FAM83G: variants seen among roughly 807,000 people sequenced by gnomAD.
The protein encoded by FAM83G is scaffolding CK1 anchoring protein G.
A neutral mutation model predicts 61.5 loss-of-function variants in FAM83G; 38 were observed. That is an observed-to-expected ratio of 0.62 (90% confidence interval 0.48 to 0.81). The LOEUF is 0.81. Ranked by LOEUF, FAM83G falls within the 30% of genes least tolerant of loss-of-function variation. The pLI is 0.00. For missense variants in FAM83G, 989 were observed against 1,133.6 expected, an observed-to-expected ratio of 0.87 and a Z score of 1.83; for synonymous variants, 470 against 476.1, an observed-to-expected ratio of 0.99 and a Z score of 0.17.
At position 19,004,193 on chromosome 17, in the gene FAM83G, C is replaced by T; in HGVS notation, c.-128-24G>A. ...ATCTGCGGGAAAGACCTGATGAGCC[C>T]GGCTCGGCGGGGAGGGCGGGCCGCG... On this transcript the variant is annotated intron_variant, in intron 1 of 5. Transcript: ENST00000388995. The surrounding 1 kb of genome is among the most constrained non-coding windows in gnomAD (Gnocchi z 5.4). The T allele has an allele frequency of 2.9e-6, 1 of 344,886 alleles. No individual in the cohort carries two copies. Among genetic ancestry groups the T allele is most frequent in the Non-Finnish European group, 4.6e-6 (1 of 218,446 alleles). The allele number at this position is 344,886 out of a possible 1,614,324, so 21.4% of individuals were successfully genotyped here.
At chr17:18,978,958 G>A in intron 4 of FAM83G, 108 bp from the exon 5 acceptor site, 2 of 1,262,396 alleles carry the variant, frequency 1.6e-6, no homozygotes, top group African/African-American at 1.5e-5. Context: ...CAGGGCCCTG[G>A]GATCAAGAAG....
intron 2 of FAM83G, among the ~76,000 whole-genome samples, chr17:18,997,960 G>A (rs2043610845): frequency 6.6e-6 from 1 of 152,238 alleles, no homozygotes. Flanking sequence ...TGAGGAGGAA[G>A]GAACAGAAGG....
intron 2 of FAM83G, among the ~76,000 whole-genome samples, chr17:18,988,820 C>G (rs2043335464): frequency 6.6e-6 from 1 of 152,244 alleles, no homozygotes; most frequent in African/African-American, 2.4e-5. Flanking sequence ...AAACCCAGAT[C>G]TCTTCCTGTC....
At chr17:18,977,232 T>C (rs1468625714) in intron 5 of FAM83G, 3 of 611,188 alleles carry the variant, frequency 4.9e-6, no homozygotes, top group Non-Finnish European at 8.5e-6. Flanking sequence ...TGAACGTCCC[T>C]GTGCCCCGCC....
intron 3 of FAM83G, among the ~76,000 whole-genome samples, chr17:18,984,170 ATC>A (rs2043207102): frequency 6.6e-6 from 1 of 151,712 alleles, no homozygotes; most frequent in Non-Finnish European, 1.5e-5. Context: ...GTGAAACCCC[ATC>A]TCTACTAAAA....
rs913718591 is a variant in FAM83G at position 18,977,518 on chromosome 17, C to T, written c.2082+66G>A. The T allele has an allele frequency of 6.1e-6, 9 of 1,482,942 alleles. No homozygotes were observed. In the East Asian group the frequency reaches 1.8e-4, roughly 30 times the overall value. The allele number at this position is 1,482,942 out of a possible 1,614,324, so 91.9% of individuals were successfully genotyped here. A position where few individuals can be genotyped will look rare whatever the true frequency, so the allele number is the denominator to read the frequency against. ...GACATGGTAGCCCAGAAGACAACAG[C>T]TCGAGCTCTTGGGTGGCTGGCAGGG... On this transcript the variant is annotated intron_variant, in intron 5 of 5. Coordinates refer to ENST00000388995, the MANE Select transcript of FAM83G (RefSeq NM_001039999.3).
Position 19,003,268 on chromosome 17 carries a change from C to T in FAM83G, c.522+252G>A, listed in dbSNP as rs77308581. ...CTGGGGAACCAGAAACACCCTCCAACAATAAAGAGGCCCTTTGAGACGGGG... is the reference window on the plus strand; with the variant it reads ...CTGGGGAACCAGAAACACCCTCCAATAATAAAGAGGCCCTTTGAGACGGGG... On this transcript the variant is annotated intron_variant, in intron 2 of 5. Coordinates refer to ENST00000388995, the MANE Select transcript of FAM83G (RefSeq NM_001039999.3). The surrounding 1 kb of genome is among the most constrained non-coding windows in gnomAD (Gnocchi z 4.5). Among the ~76,000 whole-genome samples the T allele has an allele frequency of 2.1e-4, 32 of 151,808 alleles. No individual in the cohort carries two copies. Among genetic ancestry groups the T allele is most frequent in the African/African-American group, 7.7e-4 (32 of 41,388 alleles).
intron 2 of FAM83G, among the ~76,000 whole-genome samples, chr17:18,992,646 G>A (rs768609259): frequency 2.6e-5 from 4 of 152,200 alleles, no homozygotes; most frequent in Non-Finnish European, 5.9e-5. Context: ...GTCCAGCACC[G>A]GCGCCCAAGC....
At chr17:18,995,393 T>C (rs2043540313) in intron 2 of FAM83G, among the ~76,000 whole-genome samples, 1 of 152,052 alleles carries the variant, frequency 6.6e-6, no homozygotes, top group African/African-American at 2.4e-5. Flanking sequence ...AAGAGAAAAT[T>C]AGTGAACTTG....
rs2042832312 is a variant in FAM83G, at chr17:18,971,143, C to A, written c.*216G>T. 6.2e-7 allele frequency: 1 copy of A among 1,613,968 alleles called. No homozygotes were observed. Among genetic ancestry groups the A allele is most frequent in the East Asian group, 2.2e-5 (1 of 44,890 alleles). On this transcript the variant is annotated 3_prime_UTR_variant, in exon 6 of 6. Transcript: ENST00000388995. This position sits in a 1 kb window ranked among gnomAD's most constrained non-coding sequence, Gnocchi z 5.5. ...CCATGCACATGTTTCGAGACCCCCA[C>A]ACAGGGGACCTGCCGTGGACCGGGA...
chr17:18,972,942 C>T (rs779771884), intron 5 of FAM83G, among the ~76,000 whole-genome samples: 1 of 152,164 alleles, frequency 6.6e-6, no homozygotes, highest in African/African-American at 2.4e-5. Flanking sequence ...TCAGTTTCCC[C>T]ATCTGTAACA....
At position 18,977,588 on chromosome 17, in the gene FAM83G, G is replaced by C. The variant is rs532245695; in HGVS notation, c.2078C>G (p.Ala693Gly). ...MQAQRSTDKEAQGQQFHHHRV... is the reference protein window; with the variant it reads ...MQAQRSTDKEGQGQQFHHHRV... ...TGTGCAGGGACCCTGACCCACCTGT[G>C]CCTCCTTGTCTGTGGAGCGCTGGGC... Residue 693 changes from alanine to glycine, a missense_variant, in exon 5 of 6, where the codon GCA (alanine) becomes GGA (glycine). By Grantham distance (60) the Ala-to-Gly change is moderately conservative (BLOSUM62 0). Transcript: ENST00000388995. 1.2e-6 allele frequency: 2 copies of C among 1,607,694 alleles called. No individual in the cohort carries two copies. The highest frequency in any genetic ancestry group is 1.7e-6 in the Non-Finnish European group (2 of 1,179,524).
chr17:18,986,580 T>C (rs1312437556), intron 3 of FAM83G, among the ~76,000 whole-genome samples: 3 of 152,196 alleles, frequency 2.0e-5, no homozygotes, highest in Non-Finnish European at 4.4e-5. Flanking sequence ...ACCTGCCCCA[T>C]TGCCTCCGGC....
In FAM83G at chr17:18,979,822, G is replaced by A. The variant is rs2043083623; in HGVS notation, c.691-149C>T. 27 of 872,308 alleles carry A rather than the reference G, an allele frequency of 3.1e-5. No homozygotes were observed. The South Asian group carries it at 4.2e-4, about 13-fold the overall frequency. 54.0% of individuals were successfully genotyped at this position (872,308 alleles called of 1,614,324 possible). On this transcript the variant is annotated intron_variant, in intron 3 of 5. Coordinates refer to ENST00000388995, the MANE Select transcript of FAM83G (RefSeq NM_001039999.3). ...GCTGTAAGGCCTGGAGAAAGGGGCT[G>A]GTGTGTCTGGGACTGCAGGGCTCAG...
In FAM83G at chr17:19,000,229, A is replaced by G. The variant is rs1338887791; in HGVS notation, c.522+3291T>C. On this transcript the variant is annotated intron_variant, in intron 2 of 5. Transcript: ENST00000388995. The surrounding 1 kb of genome is among the most constrained non-coding windows in gnomAD (Gnocchi z 5.2). ...GTAGGAGCCCACTAGGGCTGGAGGG[A>G]GGCTGGAGGGCACAAGCTGCTGAGA... 6.6e-6 allele frequency among the ~76,000 whole-genome samples: 1 copy of G among 152,014 alleles called. No individual in the cohort carries two copies.
intron 2 of FAM83G, among the ~76,000 whole-genome samples, chr17:18,994,011 G>A (rs984636424): frequency 2.0e-5 from 3 of 152,122 alleles, no homozygotes; most frequent in African/African-American, 7.2e-5. Flanking sequence ...CTCCCTCTGG[G>A]GTGAACAGGC....
chr17:18,978,396 C>T lies in FAM83G; in HGVS notation c.1270G>A (p.Asp424Asn), dbSNP rs772813154. ...WVEPDPEPGS[D>N]ILGYINIIDP... ...ATGATATTGATGTAGCCCAGGATGT[C>T]GCTGCCAGGCTCCGGGTCTGGCTCC... The change falls in exon 5 of 6, where the codon GAC (aspartate) becomes AAC (asparagine). Residue 424 changes from aspartate to asparagine, a missense_variant. Asp to Asn is a conservative substitution (Grantham distance 23). Transcript: ENST00000388995. The T allele has an allele frequency of 1.1e-5, 18 of 1,589,818 alleles. No individual in the cohort carries two copies. Among genetic ancestry groups the T allele is most frequent in the East Asian group, 2.3e-5 (1 of 43,908 alleles).
chr17:19,003,741 C>T lies in FAM83G; in HGVS notation c.301G>A (p.Ala101Thr). Residue 101 changes from alanine (A) to threonine (T), a missense_variant, in exon 2 of 6, where the codon GCC (alanine) becomes ACC (threonine). By Grantham distance (58) the Ala-to-Thr change is moderately conservative. Transcript: ENST00000388995. The surrounding 1 kb of genome is among the most constrained non-coding windows in gnomAD (Gnocchi z 4.5). ...EDNGVGDGEEASGADGVPIEA... is the reference protein window; with the variant it reads ...EDNGVGDGEETSGADGVPIEA... Reference sequence around the variant, plus strand: ...ATGGGGACCCCATCCGCCCCGCTGGCTTCCTCGCCGTCGCCGACCCCATTG... The same window carrying T: ...ATGGGGACCCCATCCGCCCCGCTGGTTTCCTCGCCGTCGCCGACCCCATTG... 1 of 1,605,182 alleles carries T rather than the reference C, an allele frequency of 6.2e-7. No homozygotes were observed. Among genetic ancestry groups the T allele is most frequent in the Non-Finnish European group, 8.5e-7 (1 of 1,175,812 alleles).
chr17:19,000,936 G>A lies in FAM83G; in HGVS notation c.522+2584C>T, dbSNP rs1403620983. On this transcript the variant is annotated intron_variant, in intron 2 of 5. Coordinates refer to ENST00000388995, the MANE Select transcript of FAM83G (RefSeq NM_001039999.3). This position sits in a 1 kb window ranked among gnomAD's most constrained non-coding sequence, Gnocchi z 5.2. ...GGCAGGACAGCTGGAGGACTGCAGT[G>A]GCCTGGATGAGCTGCCCCTCCCAGC... is the stretch of plus-strand genomic sequence containing the variant. Among the ~76,000 whole-genome samples the A allele has an allele frequency of 6.6e-6, 1 of 152,166 alleles. No individual in the cohort carries two copies. Among genetic ancestry groups the A allele is most frequent in the Non-Finnish European group, 1.5e-5 (1 of 68,026 alleles).
Sources: allele counts gnomAD v4.1 joint callset (sites outside exome capture counted in the v4.1 genomes callset), GRCh38; gene constraint gnomAD v4.1.1; non-coding constraint Gnocchi (gnomAD v3.1); transcripts MANE v1.5; gene names NCBI Gene and HGNC (gene_info 2026-07-23, HGNC 2026-07-21).